Variants in STIM1 observed in about 807,000 individuals in gnomAD.
The protein encoded by STIM1 is stromal interaction molecule 1.
STIM1 carries 25 observed loss-of-function variants against 74.7 expected under a neutral mutation model. The ratio of observed to expected loss-of-function variants is 0.33; its 90% CI spans 0.24 to 0.47. STIM1 has a LOEUF of 0.47. Ranked by LOEUF, STIM1 falls within the 20% of genes least tolerant of loss-of-function variation. STIM1 has a pLI of 1.00. For missense variants in STIM1, 728 were observed against 920.8 expected (o/e 0.79, Z 2.71); for synonymous variants, 328 against 348.8 (o/e 0.94, Z 0.66).
intron 6 of STIM1, among the ~76,000 whole-genome samples, chr11:4,073,121 G>A (rs1282551411): frequency 7.3e-6 from 1 of 137,120 alleles, no homozygotes; most frequent in African/African-American, 2.7e-5. Context: ...AGTGGTCAGT[G>A]TTCTCTAGGG....
At chr11:3,869,014 G>A (rs568533329) in intron 1 of STIM1, among the ~76,000 whole-genome samples, 154 of 151,928 alleles carry the variant, frequency 1.0e-3, no homozygotes, top group African/African-American at 3.6e-3. Context: ...TGTCGCCCAG[G>A]CTGGAGTGCA....
At chr11:3,987,889 TC>T (rs1183989080) in intron 2 of STIM1, among the ~76,000 whole-genome samples, 1 of 151,664 alleles carries the variant, frequency 6.6e-6, no homozygotes, top group Non-Finnish European at 1.5e-5. Flanking sequence ...TAAGCCTAAA[TC>T]CCCCCTCTTA....
At chr11:4,036,487 TCC>T (rs376870017) in intron 3 of STIM1, among the ~76,000 whole-genome samples, 239 of 152,314 alleles carry the variant, frequency 1.6e-3, no homozygotes, top group African/African-American at 5.1e-3. Context: ...GTAAAAGTGT[TCC>T]TTTTTCTCTG....
intron 1 of STIM1, among the ~76,000 whole-genome samples, chr11:3,927,197 CTTTA>C (rs1335440822): frequency 1.3e-5 from 2 of 152,104 alleles, no homozygotes; most frequent in African/African-American, 2.4e-5. Flanking sequence ...TCATATTAAC[CTTTA>C]TTTATCTTTG....
chr11:4,002,061 A>G (rs1349649504), intron 2 of STIM1, among the ~76,000 whole-genome samples: 52 of 139,662 alleles, frequency 3.7e-4, no homozygotes, highest in African/African-American at 1.3e-3. Context: ...TATGCACCCA[A>G]TACAGGAGCA....
chr11:3,863,246 G>GTT (rs2090706043), intron 1 of STIM1, among the ~76,000 whole-genome samples: 1 of 65,562 alleles, frequency 1.5e-5, no homozygotes, highest in African/African-American at 7.5e-5. Context: ...GTGTGTGTGT[G>GTT]TGTGTGTGTG....
At chr11:3,926,467 T>TAA (rs1336873078) in intron 1 of STIM1, among the ~76,000 whole-genome samples, 11 of 152,260 alleles carry the variant, frequency 7.2e-5, no homozygotes, top group African/African-American at 2.7e-4. Flanking sequence ...GAAAGTCTTA[T>TAA]GCATTCCACT....
At chr11:3,885,918 G>A (rs565757006) in intron 1 of STIM1, among the ~76,000 whole-genome samples, 63 of 152,300 alleles carry the variant, frequency 4.1e-4, no homozygotes, top group African/African-American at 1.4e-3. Flanking sequence ...GATTACAGGC[G>A]TGAGCCACTG....
intron 1 of STIM1, among the ~76,000 whole-genome samples, chr11:3,965,736 T>C (rs2135729066): frequency 6.6e-6 from 1 of 152,388 alleles, no homozygotes; most frequent in Admixed American, 6.5e-5. Flanking sequence ...CTGGGCGTGG[T>C]GGCCCATGCC....
intron 1 of STIM1, among the ~76,000 whole-genome samples, chr11:3,905,149 C>T (rs550346639): frequency 6.6e-6 from 1 of 151,802 alleles, no homozygotes; most frequent in African/African-American, 2.4e-5. Flanking sequence ...CAGCAGAGAA[C>T]AGGTAGGGTG....
At chr11:3,979,631 G>A (rs2093481924) in intron 2 of STIM1, among the ~76,000 whole-genome samples, 1 of 151,942 alleles carries the variant, frequency 6.6e-6, no homozygotes, top group African/African-American at 2.4e-5. Context: ...GTAGAGACAG[G>A]GTCTTGCTAT....
rs140596386 is a variant in STIM1 at position 3,866,070 on chromosome 11, G to A, written c.139+9661G>A. 2.0e-5 allele frequency among the ~76,000 whole-genome samples: 3 copies of A among 152,256 alleles called. No individual in the cohort carries two copies. The East Asian group carries it at 5.8e-4, about 29-fold the overall frequency. ...TTCTAAAATTTCTGTATGGGTGGTG[G>A]TTGCTTTCCTGACACAGAGTTCCAG... On this transcript the variant is annotated intron_variant, in intron 1 of 12. Coordinates refer to ENST00000526596, the MANE Select transcript of STIM1 (RefSeq NM_001382567.1).
chr11:3,895,740 C>CTTTCTT (rs2092121162), intron 1 of STIM1, among the ~76,000 whole-genome samples: 3 of 36,610 alleles, frequency 8.2e-5, no homozygotes, highest in African/African-American at 2.2e-4. Flanking sequence ...CTTTCTTTTT[C>CTTTCTT]TTTCTTCCTT....
intron 1 of STIM1, among the ~76,000 whole-genome samples, chr11:3,896,182 G>A (rs2092166045): frequency 6.6e-6 from 1 of 151,268 alleles, no homozygotes; most frequent in South Asian, 2.1e-4. Flanking sequence ...GGGATTACAG[G>A]CGTGAGCCAC....
At chr11:3,896,791 C>G (rs1177392572) in intron 1 of STIM1, among the ~76,000 whole-genome samples, 1 of 152,144 alleles carries the variant, frequency 6.6e-6, no homozygotes, top group Non-Finnish European at 1.5e-5. Context: ...TTGCCTGGGT[C>G]TCATCACTAT....
At chr11:3,867,722 CTG>C (rs1242883267) in intron 1 of STIM1, among the ~76,000 whole-genome samples, 2 of 152,242 alleles carry the variant, frequency 1.3e-5, no homozygotes, top group African/African-American at 2.4e-5. Flanking sequence ...ATAAAAGTAA[CTG>C]TGCTGTCAGC....
At chr11:4,084,572 C>A in intron 10 of STIM1, 101 bp from the exon 11 acceptor site, 1 of 965,152 alleles carries the variant, frequency 1.0e-6, no homozygotes, top group South Asian at 1.3e-5. Flanking sequence ...TCTGAGCTAC[C>A]CAATCCCTGC....
chr11:3,910,912 G>A (rs1036155047), intron 1 of STIM1, among the ~76,000 whole-genome samples: 1 of 152,112 alleles, frequency 6.6e-6, no homozygotes, highest in Non-Finnish European at 1.5e-5. Flanking sequence ...CTTGAATCCA[G>A]GAGGCGAAGG....
In STIM1 at chr11:3,860,385, A is replaced by G. The variant is rs548882772; in HGVS notation, c.139+3976A>G. ...CATAGAGAGGTTAAATAACTTGCCC[A>G]TGTTTACACAGATAACAAGGAAGCC... On this transcript the variant is annotated intron_variant, in intron 1 of 12. Coordinates refer to ENST00000526596, the MANE Select transcript of STIM1 (RefSeq NM_001382567.1). 3.3e-5 allele frequency among the ~76,000 whole-genome samples: 5 copies of G among 152,364 alleles called. No individual in the cohort carries two copies. In the South Asian group the frequency reaches 6.2e-4, roughly 19 times the overall value.
Sources: allele counts gnomAD v4.1 joint callset (sites outside exome capture counted in the v4.1 genomes callset), GRCh38; gene constraint gnomAD v4.1.1; transcripts MANE v1.5; gene names NCBI Gene and HGNC (gene_info 2026-07-23, HGNC 2026-07-21).